Variants in DOCK3 observed in about 807,000 individuals in gnomAD.
The protein encoded by DOCK3 is dedicator of cytokinesis protein 3.
DOCK3 carries 60 observed loss-of-function variants against 265.6 expected under a neutral mutation model. The observed-to-expected ratio is 0.23, with a 90% confidence interval of 0.18 to 0.28. The LOEUF is 0.28. Among genes scored for constraint, DOCK3 ranks in the 10% least tolerant of loss-of-function variants. The pLI is 1.00. For synonymous variants in DOCK3, 881 were observed against 938.0 expected (o/e 0.94, Z 1.11); for missense variants, 1,981 against 2,594.3 (o/e 0.76, Z 5.14).
intron 1 of DOCK3, among the ~76,000 whole-genome samples, chr3:50,759,408 T>C (rs1162361002): frequency 6.6e-6 from 1 of 152,034 alleles, no homozygotes; most frequent in Non-Finnish European, 1.5e-5. Context: ...TCCAAATGGG[T>C]ATGAAGTGGC....
At chr3:51,288,933 T>G (rs2081577874) in intron 27 of DOCK3, among the ~76,000 whole-genome samples, 1 of 151,624 alleles carries the variant, frequency 6.6e-6, no homozygotes, top group African/African-American at 2.4e-5. Flanking sequence ...TGTGCCCATG[T>G]GTGTGTATTT....
intron 12 of DOCK3, among the ~76,000 whole-genome samples, chr3:51,188,369 GTTTTA>G (rs1271911329): frequency 6.6e-6 from 1 of 152,128 alleles, no homozygotes; most frequent in Non-Finnish European, 1.5e-5. Flanking sequence ...GATGATGTAG[GTTTTA>G]TTTTATTTCT....
At chr3:51,197,479 A>G (rs1359697909) in intron 12 of DOCK3, among the ~76,000 whole-genome samples, 3 of 152,152 alleles carry the variant, frequency 2.0e-5, no homozygotes, top group Non-Finnish European at 4.4e-5. Flanking sequence ...GGGTAGCCCA[A>G]TCTCCAGGAA....
intron 10 of DOCK3, among the ~76,000 whole-genome samples, chr3:51,146,889 A>G (rs993554312): frequency 6.6e-6 from 1 of 152,224 alleles, no homozygotes; most frequent in Non-Finnish European, 1.5e-5. Flanking sequence ...GCTATTTCAT[A>G]TAATAGACAC....
rs569828463 is a variant in DOCK3, at chr3:51,341,205, C to A, written c.3767-32C>A. On this transcript the variant is annotated intron_variant, in intron 37 of 52. Transcript: ENST00000266037. ...CTCCTGGGCCTCTGAGCAAGGGAAG[C>A]CCCTGGACCTCCATGCTGTCTGTCC... 119 of 1,539,712 alleles carry A rather than the reference C, an allele frequency of 7.7e-5. 2 individuals are homozygous for A. In the East Asian group the frequency reaches 2.7e-3, roughly 35 times the overall value.
At chr3:51,180,664 T>G (rs2087238041) in intron 12 of DOCK3, among the ~76,000 whole-genome samples, 1 of 152,170 alleles carries the variant, frequency 6.6e-6, no homozygotes, top group Non-Finnish European at 1.5e-5. Flanking sequence ...AATCCTTAAT[T>G]TAATTACATC....
At chr3:50,886,629 A>G (rs1233360571) in intron 3 of DOCK3, among the ~76,000 whole-genome samples, 1 of 141,220 alleles carries the variant, frequency 7.1e-6, no homozygotes, top group South Asian at 2.2e-4. Flanking sequence ...TCATTGTTCA[A>G]TTCCCATCTA....
chr3:50,705,735 G>A (rs2036368984), intron 1 of DOCK3, among the ~76,000 whole-genome samples: 2 of 152,118 alleles, frequency 1.3e-5, no homozygotes, highest in Non-Finnish European at 2.9e-5. Context: ...GGTTTTGAAA[G>A]TGGCAGTTTT....
At chr3:50,778,589 A>C in intron 1 of DOCK3, 86 bp from the exon 2 acceptor site, 1 of 948,552 alleles carries the variant, frequency 1.1e-6, no homozygotes, top group Admixed American at 2.3e-5. Context: ...TATACATTTA[A>C]GAAAATTTAG....
chr3:51,348,047 A>C lies in DOCK3; in HGVS notation c.3916-805A>C, dbSNP rs974863108. ...GCTTAAGGAGATTTTGGGCTGAGAC[A>C]ATGGGGTTTTCTAAGTATACAATCA... On this transcript the variant is annotated intron_variant, in intron 38 of 52. Transcript: ENST00000266037. Among the ~76,000 whole-genome samples the C allele has an allele frequency of 2.6e-5, 4 of 152,126 alleles. No individual in the cohort carries two copies. In the East Asian group the frequency reaches 7.7e-4, roughly 29 times the overall value.
chr3:51,127,798 A>T (rs1003200504), intron 9 of DOCK3, among the ~76,000 whole-genome samples: 5 of 152,070 alleles, frequency 3.3e-5, no homozygotes, highest in African/African-American at 1.2e-4. Context: ...TGGTGGAGTG[A>T]CCCAAACCTT....
chr3:51,244,973 G>A (rs1302034810), intron 21 of DOCK3, among the ~76,000 whole-genome samples: 1 of 152,168 alleles, frequency 6.6e-6, no homozygotes, highest in Non-Finnish European at 1.5e-5. Flanking sequence ...AATATAAAAA[G>A]ACAGTCCATA....
intron 1 of DOCK3, among the ~76,000 whole-genome samples, chr3:50,745,934 T>C (rs60552386): frequency 0.089 from 13,495 of 152,198 alleles, 1,231 homozygotes; most frequent in East Asian, 0.33. Flanking sequence ...TGTTCTGTCA[T>C]TGTGTGTCAC....
intron 1 of DOCK3, among the ~76,000 whole-genome samples, chr3:50,709,953 A>G (rs2036650549): frequency 6.6e-6 from 1 of 152,166 alleles, no homozygotes; most frequent in Non-Finnish European, 1.5e-5. Flanking sequence ...AGTTCTAGAT[A>G]GATGAGAGGC....
chr3:51,337,519 T>C (rs182663811), intron 35 of DOCK3, among the ~76,000 whole-genome samples: 140 of 152,270 alleles, frequency 9.2e-4, no homozygotes, highest in Non-Finnish European at 8.1e-4. Context: ...CACAAGAAAC[T>C]AGATCTTCTC....
chr3:50,754,558 C>CTT (rs541191723), intron 1 of DOCK3, among the ~76,000 whole-genome samples: 12 of 136,668 alleles, frequency 8.8e-5, no homozygotes, highest in Admixed American at 2.2e-4. Flanking sequence ...GTTTTAACAA[C>CTT]TTTTTTTTTT....
At chr3:50,936,663 A>G (rs1374218484) in intron 5 of DOCK3, among the ~76,000 whole-genome samples, 1 of 152,170 alleles carries the variant, frequency 6.6e-6, no homozygotes, top group Non-Finnish European at 1.5e-5. Context: ...TCAACTGCTT[A>G]AAGAAAAAAA....
chr3:50,685,169 C>G (rs755189010), intron 1 of DOCK3, among the ~76,000 whole-genome samples: 3 of 152,142 alleles, frequency 2.0e-5, no homozygotes, highest in Admixed American at 6.5e-5. Context: ...TCTTTTAAGA[C>G]TGCCGTTCTG....
At chr3:50,979,936 A>T (rs896914667) in intron 5 of DOCK3, among the ~76,000 whole-genome samples, 2 of 152,182 alleles carry the variant, frequency 1.3e-5, no homozygotes, top group Non-Finnish European at 2.9e-5. Flanking sequence ...CCCGACTTGT[A>T]TGCCTTTTCT....
Sources: gnomAD v4.1 joint callset for allele counts (sites outside exome capture counted in the v4.1 genomes callset) on GRCh38, gnomAD v4.1.1 for gene constraint, MANE v1.5 for transcripts, NCBI Gene and HGNC (gene_info 2026-07-23, HGNC 2026-07-21) for gene names.